KAZN: variants seen among roughly 807,000 people sequenced by gnomAD.
The protein encoded by KAZN is kazrin.
In KAZN, 40 loss-of-function variants were observed where a neutral mutation model predicts 87.4. That is an observed-to-expected ratio of 0.46 (90% CI 0.36 to 0.60). KAZN has a LOEUF of 0.60. KAZN is among the 20% of genes least tolerant of loss of function. The pLI, the probability that KAZN is intolerant of heterozygous loss-of-function variation, is 0.00. For synonymous variants in KAZN, 466 were observed against 458.3 expected, an observed-to-expected ratio of 1.02 and a Z score of -0.22; for missense variants, 898 against 1,073.9, an observed-to-expected ratio of 0.84 and a Z score of 2.29.
In KAZN at chr1:14,264,963, G is replaced by A. The variant is rs571632981; in HGVS notation, c.249+84371G>A. Among the ~76,000 whole-genome samples, 4 of 152,232 alleles carry A rather than the reference G, an allele frequency of 2.6e-5. No individual in the cohort carries two copies. The South Asian group carries it at 8.3e-4, about 32-fold the overall frequency. On this transcript the variant is annotated intron_variant, in intron 2 of 16. Coordinates refer to the KAZN transcript ENST00000636203. ...AGTGATTAGGGCATGGACATCTCTG[G>A]GGAAGGAAGGGATAAATTGAGTGAC...
At chr1:14,108,330 C>G (rs965408757) in intron 1 of KAZN, among the ~76,000 whole-genome samples, 1 of 152,128 alleles carries the variant, frequency 6.6e-6, no homozygotes, top group Non-Finnish European at 1.5e-5. Flanking sequence ...GAGTATAGCT[C>G]CCTGTTTAGG....
chr1:14,952,785 G>A (rs1662651501), intron 1 of KAZN, among the ~76,000 whole-genome samples: 1 of 152,160 alleles, frequency 6.6e-6, no homozygotes, highest in Non-Finnish European at 1.5e-5. Flanking sequence ...TGCATTTAGT[G>A]AGGCCAAGGT....
At chr1:14,617,821 C>T (rs1018747256) in intron 1 of KAZN, among the ~76,000 whole-genome samples, 3 of 152,186 alleles carry the variant, frequency 2.0e-5, no homozygotes, top group Non-Finnish European at 2.9e-5. Flanking sequence ...AATCCCAAAG[C>T]GCAAAGTGTA....
intron 1 of KAZN, among the ~76,000 whole-genome samples, chr1:14,701,175 G>A (rs188238616): frequency 3.9e-5 from 6 of 152,128 alleles, no homozygotes; most frequent in African/African-American, 1.4e-4. Flanking sequence ...GCAGTGCAAT[G>A]GCATGCTCAC....
intron 1 of KAZN, among the ~76,000 whole-genome samples, chr1:14,848,456 A>AGTGGGG (rs1649036989): frequency 6.6e-6 from 1 of 152,254 alleles, no homozygotes; most frequent in African/African-American, 2.4e-5. Flanking sequence ...GGGTGAACAC[A>AGTGGGG]AGCTGGCAAG....
intron 1 of KAZN, among the ~76,000 whole-genome samples, chr1:14,697,140 CAAAAAA>C (rs1172632955): frequency 1.5e-5 from 1 of 67,784 alleles, no homozygotes; most frequent in Non-Finnish European, 3.4e-5. Flanking sequence ...AACAAACCAA[CAAAAAA>C]AAAAAAAAAA....
chr1:14,445,113 C>T (rs1405249787), intron 2 of KAZN, among the ~76,000 whole-genome samples: 1 of 151,948 alleles, frequency 6.6e-6, no homozygotes, highest in Non-Finnish European at 1.5e-5. Flanking sequence ...ACAACTTCCG[C>T]CTCCCGGGTT....
intron 1 of KAZN, among the ~76,000 whole-genome samples, chr1:14,918,742 A>G (rs1056032140): frequency 8.0e-6 from 1 of 125,552 alleles, no homozygotes; most frequent in African/African-American, 3.0e-5. Context: ...ATATATATAT[A>G]TATATATCCT....
At chr1:14,456,030 G>A (rs1304698861) in intron 2 of KAZN, among the ~76,000 whole-genome samples, 1 of 152,192 alleles carries the variant, frequency 6.6e-6, no homozygotes, top group Non-Finnish European at 1.5e-5. Flanking sequence ...GACTCAAGAA[G>A]ATAGATTTAA....
intron 2 of KAZN, among the ~76,000 whole-genome samples, chr1:14,972,164 C>T (rs1283093017): frequency 6.6e-6 from 1 of 152,184 alleles, no homozygotes; most frequent in African/African-American, 2.4e-5. Flanking sequence ...TTGCCCAAGA[C>T]CCCATTAAAT....
At chr1:14,862,963 G>T (rs1651038647) in intron 1 of KAZN, among the ~76,000 whole-genome samples, 1 of 152,232 alleles carries the variant, frequency 6.6e-6, no homozygotes, top group Admixed American at 6.5e-5. Flanking sequence ...GGCAAGAGAA[G>T]TTACCCGCAA....
chr1:14,598,202 G>A (rs1252308486), upstream of KAZN, among the ~76,000 whole-genome samples: 3 of 152,096 alleles, frequency 2.0e-5, no homozygotes, highest in Non-Finnish European at 4.4e-5. This position sits in a 1 kb window ranked among gnomAD's most constrained non-coding sequence, Gnocchi z 4.2. Context: ...GGGGGGTGGA[G>A]AGTGAGAGGC....
At chr1:14,208,055 C>T (rs564770291) in intron 2 of KAZN, among the ~76,000 whole-genome samples, 2 of 152,286 alleles carry the variant, frequency 1.3e-5, no homozygotes, top group African/African-American at 4.8e-5. Context: ...AGCTGTGCAC[C>T]CTATTACTTT....
chr1:13,929,605 C>T (rs1302524160), intron 1 of KAZN, among the ~76,000 whole-genome samples: 1 of 152,080 alleles, frequency 6.6e-6, no homozygotes, highest in Non-Finnish European at 1.5e-5. Context: ...TAAAGGTCTA[C>T]TCATGGTTAA....
chr1:14,600,666 C>CAAAAAAAAAAAAAAAA (rs59840012), intron 1 of KAZN, among the ~76,000 whole-genome samples: 4 of 118,510 alleles, frequency 3.4e-5, no homozygotes, highest in Admixed American at 8.1e-5. Flanking sequence ...GGAACCTGTG[C>CAAAAAAAAAAAAAAAA]AAAAAAAAAA....
chr1:15,019,822 C>G (rs1344173207), intron 2 of KAZN, among the ~76,000 whole-genome samples: 1 of 152,198 alleles, frequency 6.6e-6, no homozygotes, highest in African/African-American at 2.4e-5. Flanking sequence ...ATGCTGACTA[C>G]GGCTGTTACT....
chr1:14,396,962 T>C (rs959477016), intron 2 of KAZN, among the ~76,000 whole-genome samples: 1 of 152,040 alleles, frequency 6.6e-6, no homozygotes, highest in Non-Finnish European at 1.5e-5. Context: ...CTATAGAAAG[T>C]TTATGTCTCC....
At chr1:14,957,770 A>G (rs1460784316) in intron 1 of KAZN, among the ~76,000 whole-genome samples, 2 of 152,226 alleles carry the variant, frequency 1.3e-5, no homozygotes, top group Non-Finnish European at 2.9e-5. Context: ...AGAAGCTGGC[A>G]TCCTGAAGGA....
intron 1 of KAZN, among the ~76,000 whole-genome samples, chr1:14,821,366 A>G (rs1646732424): frequency 6.6e-6 from 1 of 151,254 alleles, no homozygotes; most frequent in Admixed American, 6.6e-5. Context: ...ATACAAAACA[A>G]ATTAGCCAGG....
Sources: gnomAD v4.1 joint callset for allele counts (sites outside exome capture counted in the v4.1 genomes callset) on GRCh38, gnomAD v4.1.1 for gene constraint, Gnocchi (gnomAD v3.1) non-coding constraint, MANE v1.5 for transcripts, NCBI Gene and HGNC (gene_info 2026-07-23, HGNC 2026-07-21) for gene names.